Variants in TMEM232 observed in about 807,000 individuals in gnomAD.
The protein encoded by TMEM232 is transmembrane protein 232.
Under a neutral mutation model 78.8 loss-of-function variants are expected in TMEM232, and 80 were observed. The observed-to-expected ratio is 1.01, with a 90% CI of 0.85 to 1.22. The LOEUF (loss-of-function observed/expected upper bound fraction) is 1.22. Ranked by LOEUF, TMEM232 falls within the 50% of genes most tolerant of loss-of-function variation. The pLI is 0.00. For synonymous variants in TMEM232, 297 were observed against 254.3 expected, an observed-to-expected ratio of 1.17 and a Z score of -1.60; for missense variants, 881 against 742.2, an observed-to-expected ratio of 1.19 and a Z score of -2.17.
At chr5:110,717,334 G>A (rs1273296241) in intron 1 of TMEM232, among the ~76,000 whole-genome samples, 4 of 152,108 alleles carry the variant, frequency 2.6e-5, no homozygotes, top group Non-Finnish European at 5.9e-5. Context: ...ATCTGAATGA[G>A]TTCAGTTTTA....
chr5:110,502,500 A>G (rs1766380659), intron 12 of TMEM232, among the ~76,000 whole-genome samples: 2 of 152,220 alleles, frequency 1.3e-5, no homozygotes, highest in African/African-American at 4.8e-5. Context: ...AGTTTAGCTC[A>G]GCCTTCACCT....
At chr5:110,649,002 T>G (rs910191127) in intron 2 of TMEM232, among the ~76,000 whole-genome samples, 2 of 152,106 alleles carry the variant, frequency 1.3e-5, no homozygotes, top group Non-Finnish European at 2.9e-5. Context: ...CTGTGCTGTA[T>G]CCTGCTAAGT....
chr5:110,626,067 C>T (rs147622247), intron 6 of TMEM232, among the ~76,000 whole-genome samples: 1,528 of 151,868 alleles, frequency 0.01, 34 homozygotes, highest in African/African-American at 0.034. Flanking sequence ...AGGTAGCAGC[C>T]GCTGATAGCT....
At chr5:110,614,804 C>A (rs1410026566) in intron 8 of TMEM232, among the ~76,000 whole-genome samples, 1 of 151,934 alleles carries the variant, frequency 6.6e-6, no homozygotes, top group African/African-American at 2.4e-5. Flanking sequence ...ATATTTGAAT[C>A]TCCTACAACT....
intron 2 of TMEM232, among the ~76,000 whole-genome samples, chr5:110,734,187 G>A (rs113247754): frequency 3.9e-5 from 6 of 152,304 alleles, no homozygotes; most frequent in East Asian, 1.9e-4. Context: ...ACTCCTCTGC[G>A]TGCAGGTTGG....
chr5:110,548,343 A>G (rs1190116937), intron 11 of TMEM232, among the ~76,000 whole-genome samples: 1 of 149,382 alleles, frequency 6.7e-6, no homozygotes, highest in East Asian at 1.9e-4. Flanking sequence ...AAATATTATT[A>G]ATCATTAATT....
chr5:110,639,042 G>C (rs948579463), intron 4 of TMEM232, among the ~76,000 whole-genome samples: 5 of 152,138 alleles, frequency 3.3e-5, no homozygotes, highest in Non-Finnish European at 7.3e-5. Flanking sequence ...AAATATATGA[G>C]GACGAACAGC....
chr5:110,578,956 A>ATTTT (rs1777865675), intron 10 of TMEM232, among the ~76,000 whole-genome samples: 2 of 151,876 alleles, frequency 1.3e-5, no homozygotes. Context: ...TTGGCTGGAC[A>ATTTT]CTTCGCAAAT....
rs569148996 is a variant in TMEM232 at position 110,654,175 on chromosome 5, T to C, written c.126-11804A>G. Among the ~76,000 whole-genome samples, 16 of 152,310 alleles carry C rather than the reference T, an allele frequency of 1.1e-4. No homozygotes were observed. The East Asian group carries it at 2.5e-3, about 24-fold the overall frequency. ...GGCCTAAGTTCTGTATTAGTCCATA[T>C]GACTTCATGCCCCCTGGCCATTGCT... On this transcript the variant is annotated intron_variant, in intron 2 of 13. Transcript: ENST00000455884.
At chr5:110,736,554 T>C (rs931518488) in intron 1 of TMEM232, among the ~76,000 whole-genome samples, 1 of 151,028 alleles carries the variant, frequency 6.6e-6, no homozygotes, top group East Asian at 1.9e-4. Context: ...TTTCATGTCA[T>C]TTAATACTCA....
At chr5:110,432,572 C>T (rs1000683545) in intron 12 of TMEM232, among the ~76,000 whole-genome samples, 1 of 151,618 alleles carries the variant, frequency 6.6e-6, no homozygotes, top group African/African-American at 2.4e-5. Context: ...AGTACATAAT[C>T]GAGACTACCA....
chr5:110,417,837 G>C (rs1010370435), downstream of TMEM232: 2 of 152,090 alleles, frequency 1.3e-5, no homozygotes, highest in Admixed American at 6.6e-5. Flanking sequence ...ATCAGGAAGA[G>C]TTTCAGGATG....
At chr5:110,516,710 C>T (rs1263439711) in intron 12 of TMEM232, among the ~76,000 whole-genome samples, 2 of 147,070 alleles carry the variant, frequency 1.4e-5, no homozygotes, top group South Asian at 4.5e-4. Context: ...GATCAATTTT[C>T]TTCTGAAAAA....
intron 4 of TMEM232, among the ~76,000 whole-genome samples, chr5:110,389,970 A>G (rs892149708): frequency 6.6e-6 from 1 of 152,188 alleles, no homozygotes; most frequent in Non-Finnish European, 1.5e-5. Context: ...AACATTGACA[A>G]TTCTGGTACA....
At chr5:110,390,719 T>G (rs911828072) in intron 3 of TMEM232, 1 of 152,224 alleles carries the variant, frequency 6.6e-6, no homozygotes, top group Non-Finnish European at 1.5e-5. Flanking sequence ...CAAACTTACC[T>G]ACTCTGTTGG....
intron 1 of TMEM232, among the ~76,000 whole-genome samples, chr5:110,709,164 C>G (rs1293821760): frequency 6.6e-6 from 1 of 151,988 alleles, no homozygotes; most frequent in Non-Finnish European, 1.5e-5. Context: ...ATAAAGTGGT[C>G]AATCCAGCAA....
chr5:110,399,768 T>G (rs1755525036), intron 2 of TMEM232, among the ~76,000 whole-genome samples: 1 of 152,176 alleles, frequency 6.6e-6, no homozygotes, highest in African/African-American at 2.4e-5. Flanking sequence ...AGTTCCTTTA[T>G]GCAAGTTTAG....
intron 2 of TMEM232, among the ~76,000 whole-genome samples, chr5:110,412,913 T>G (rs1756050974): frequency 6.6e-6 from 1 of 152,314 alleles, no homozygotes; most frequent in East Asian, 1.9e-4. Flanking sequence ...TTCAAAGCCT[T>G]ACACATTAGG....
rs555037975 is a variant in TMEM232 at position 110,440,135 on chromosome 5, A to C, written c.1704-15219T>G. ...AAATCTGGAAAGATGAGTAGGAGTT[A>C]GTATAAAGCTAGTGGGAATAATGAT... On this transcript the variant is annotated intron_variant, in intron 12 of 13. Coordinates refer to ENST00000455884, the MANE Select transcript of TMEM232 (RefSeq NM_001039763.4). Among the ~76,000 whole-genome samples the C allele has an allele frequency of 3.3e-5, 5 of 152,324 alleles. No individual in the cohort carries two copies. The South Asian group carries it at 1.0e-3, about 32-fold the overall frequency.
Sources: gnomAD v4.1 joint callset for allele counts (sites outside exome capture counted in the v4.1 genomes callset) on GRCh38, gnomAD v4.1.1 for gene constraint, MANE v1.5 for transcripts, NCBI Gene and HGNC (gene_info 2026-07-23, HGNC 2026-07-21) for gene names.